PALLD: variants seen among roughly 807,000 people sequenced by gnomAD.
PALLD encodes the protein palladin, cytoskeletal associated protein, also known as palladin.
Under a neutral mutation model 123.5 loss-of-function variants are expected in PALLD, and 61 were observed. The observed-to-expected ratio is 0.49, with a 90% confidence interval of 0.40 to 0.61. The LOEUF (loss-of-function observed/expected upper bound fraction) is 0.61. Among genes scored for constraint, PALLD ranks in the 20% least tolerant of loss-of-function variants. The pLI, the probability that PALLD is intolerant of heterozygous loss-of-function variation, is 0.00. For missense variants in PALLD, 1,273 were observed against 1,377.0 expected (o/e 0.92, Z 1.20); for synonymous variants, 465 against 496.4 (o/e 0.94, Z 0.84).
intron 1 of PALLD, among the ~76,000 whole-genome samples, chr4:168,508,848 T>A (rs1762267645): frequency 1.3e-5 from 2 of 152,086 alleles, no homozygotes; most frequent in South Asian, 4.1e-4. Context: ...TCCCCACACC[T>A]TGTAAGAGTT....
chr4:168,528,966 G>C (rs1310912317), intron 2 of PALLD, among the ~76,000 whole-genome samples: 1 of 152,088 alleles, frequency 6.6e-6, no homozygotes, highest in Non-Finnish European at 1.5e-5. Context: ...GTTTGAATTA[G>C]GAGTCACGCC....
chr4:168,550,827 C>T (rs1766657611), intron 2 of PALLD, among the ~76,000 whole-genome samples: 1 of 152,130 alleles, frequency 6.6e-6, no homozygotes, highest in Admixed American at 6.5e-5. Flanking sequence ...ATACTCTGCC[C>T]CCAATCCATG....
intron 11 of PALLD, among the ~76,000 whole-genome samples, chr4:168,892,567 T>C (rs984049357): frequency 5.3e-5 from 8 of 152,138 alleles, no homozygotes; most frequent in Non-Finnish European, 8.8e-5. Flanking sequence ...TATAGAAGAT[T>C]TTCACAAGAG....
At chr4:168,647,354 T>G (rs1420909487) in intron 2 of PALLD, among the ~76,000 whole-genome samples, 1 of 152,206 alleles carries the variant, frequency 6.6e-6, no homozygotes, top group Non-Finnish European at 1.5e-5. Context: ...TACAATGGAC[T>G]GTGTTTTTTC....
At chr4:168,753,726 A>G (rs964049108) in intron 10 of PALLD, among the ~76,000 whole-genome samples, 2 of 152,190 alleles carry the variant, frequency 1.3e-5, no homozygotes, top group African/African-American at 2.4e-5. Flanking sequence ...GGGGCCTCCC[A>G]GTGACGACCA....
chr4:168,600,072 TACACACAC>T (rs10546579), intron 2 of PALLD, among the ~76,000 whole-genome samples: 1 of 129,120 alleles, frequency 7.7e-6, no homozygotes, highest in Non-Finnish European at 1.8e-5. Context: ...TACATGTGTA[TACACACAC>T]ATATATACAT....
chr4:168,558,808 T>G (rs1767581968), intron 2 of PALLD, among the ~76,000 whole-genome samples: 1 of 152,134 alleles, frequency 6.6e-6, no homozygotes, highest in Non-Finnish European at 1.5e-5. Context: ...GTGCCAGGAG[T>G]TCATCATAAT....
At chr4:168,841,720 T>C (rs1746068530) in intron 10 of PALLD, among the ~76,000 whole-genome samples, 1 of 152,206 alleles carries the variant, frequency 6.6e-6, no homozygotes, top group African/African-American at 2.4e-5. Flanking sequence ...AGTTTTCCTA[T>C]GTGTTTATTT....
chr4:168,746,000 C>G (rs1363567513), intron 10 of PALLD, among the ~76,000 whole-genome samples: 1 of 152,104 alleles, frequency 6.6e-6, no homozygotes, highest in Non-Finnish European at 1.5e-5. Context: ...TTTGCTACAT[C>G]AGACTACACA....
chr4:168,739,880 A>G (rs1200153495), intron 10 of PALLD, among the ~76,000 whole-genome samples: 1 of 152,190 alleles, frequency 6.6e-6, no homozygotes, highest in Non-Finnish European at 1.5e-5. Context: ...TGCTCTAATT[A>G]GAATTCTTGT....
At chr4:168,767,188 C>T (rs544873403) in intron 10 of PALLD, among the ~76,000 whole-genome samples, 34 of 152,272 alleles carry the variant, frequency 2.2e-4, no homozygotes, top group African/African-American at 6.5e-4. Flanking sequence ...CATCTAGACC[C>T]TGTGCTGCTT....
chr4:168,924,913 T>C (rs1762280301), intron 19 of PALLD, 32 bp from the exon 20 acceptor site: 3 of 1,613,638 alleles, frequency 1.9e-6, no homozygotes, highest in Non-Finnish European at 8.5e-7. Context: ...TTAAAAAATT[T>C]AGAACCCTAA....
intron 10 of PALLD, among the ~76,000 whole-genome samples, chr4:168,794,502 A>ACATG (rs750112912): frequency 0.12 from 16,001 of 135,928 alleles, 903 homozygotes; most frequent in Non-Finnish European, 0.14. Flanking sequence ...ACGCACACAC[A>ACATG]CACGCACACA....
chr4:168,600,750 T>C (rs978248443), intron 2 of PALLD, among the ~76,000 whole-genome samples: 3 of 152,134 alleles, frequency 2.0e-5, no homozygotes, highest in African/African-American at 7.2e-5. Context: ...GGCAGCATCA[T>C]GATTAAAGAG....
intron 10 of PALLD, among the ~76,000 whole-genome samples, chr4:168,856,612 T>C (rs187723593): frequency 3.4e-4 from 52 of 152,358 alleles, no homozygotes; most frequent in Admixed American, 2.6e-4. Flanking sequence ...CTGAGCATTT[T>C]TTCATGTTTG....
At chr4:168,790,033 T>C (rs1241991571) in intron 10 of PALLD, among the ~76,000 whole-genome samples, 1 of 152,134 alleles carries the variant, frequency 6.6e-6, no homozygotes, top group Non-Finnish European at 1.5e-5. Context: ...AGACCAGAAT[T>C]TTGCAAAATT....
At chr4:168,730,051 G>A (rs1787005037) in intron 10 of PALLD, among the ~76,000 whole-genome samples, 1 of 152,018 alleles carries the variant, frequency 6.6e-6, no homozygotes, top group Admixed American at 6.6e-5. Flanking sequence ...AAAATAGTGG[G>A]CCCTTTCAAT....
At position 168,839,000 on chromosome 4, in the gene PALLD, T is replaced by C. The variant is rs570463877; in HGVS notation, c.1965-51922T>C. 6.6e-5 allele frequency among the ~76,000 whole-genome samples: 10 copies of C among 152,340 alleles called. No homozygotes were observed. The South Asian group carries it at 2.1e-3, about 32-fold the overall frequency. ...ATGAACTCACTACCTTCACCCAGGCTGGAGTGCAGTGGCATGATCATGGCT... is the reference window on the plus strand; with the variant it reads ...ATGAACTCACTACCTTCACCCAGGCCGGAGTGCAGTGGCATGATCATGGCT... On this transcript the variant is annotated intron_variant, in intron 10 of 21. Coordinates refer to ENST00000505667, the MANE Select transcript of PALLD (RefSeq NM_001166108.2).
At chr4:168,897,722 G>A (rs962177755) in intron 13 of PALLD, among the ~76,000 whole-genome samples, 2 of 152,072 alleles carry the variant, frequency 1.3e-5, no homozygotes, top group African/African-American at 4.8e-5. Flanking sequence ...AAAGTGTTGG[G>A]AATTACAGGC....
Sources: allele counts gnomAD v4.1 joint callset (sites outside exome capture counted in the v4.1 genomes callset), GRCh38; gene constraint gnomAD v4.1.1; transcripts MANE v1.5; gene names NCBI Gene and HGNC (gene_info 2026-07-23, HGNC 2026-07-21).